The following OXR1 variants were observed in gnomAD, a reference collection of about 807,000 sequenced individuals.
The protein encoded by OXR1 is oxidation resistance 1, also known as oxidation resistance protein 1.
In OXR1, 41 loss-of-function variants were observed where a neutral mutation model predicts 104.6. The ratio of observed to expected loss-of-function variants is 0.39; its 90% CI spans 0.31 to 0.51. The LOEUF (loss-of-function observed/expected upper bound fraction) is 0.51. Ranked by LOEUF, OXR1 falls within the 20% of genes least tolerant of loss-of-function variation. The pLI, the probability that OXR1 is intolerant of heterozygous loss-of-function variation, is 0.77. For missense variants in OXR1, 955 were observed against 1,031.9 expected (o/e 0.93, Z 1.02); for synonymous variants, 348 against 348.4 (o/e 1.00, Z 0.01).
chr8:106,666,112 A>C (rs1360553936), intron 3 of OXR1, among the ~76,000 whole-genome samples: 1 of 152,224 alleles, frequency 6.6e-6, no homozygotes, highest in African/African-American at 2.4e-5. Context: ...ACTGCAAGTT[A>C]GTAAAAGCAC....
At chr8:106,280,109 C>T (rs1812217271) in intron 1 of OXR1, among the ~76,000 whole-genome samples, 1 of 152,108 alleles carries the variant, frequency 6.6e-6, no homozygotes, top group Non-Finnish European at 1.5e-5. Flanking sequence ...TGATAATGTG[C>T]CTGCTGGGCA....
At chr8:106,630,621 A>G (rs1822594940) in intron 3 of OXR1, among the ~76,000 whole-genome samples, 1 of 152,186 alleles carries the variant, frequency 6.6e-6, no homozygotes, top group Non-Finnish European at 1.5e-5. Flanking sequence ...TGGAAGGGGA[A>G]GCGGGTTGTT....
intron 2 of OXR1, among the ~76,000 whole-genome samples, chr8:106,459,310 G>A (rs1217576822): frequency 2.0e-5 from 3 of 151,944 alleles, no homozygotes; most frequent in African/African-American, 7.3e-5. Flanking sequence ...CCCCTTCCCT[G>A]CCCTCTCTTA....
At chr8:106,655,185 T>C (rs1824944278) in intron 3 of OXR1, among the ~76,000 whole-genome samples, 3 of 152,270 alleles carry the variant, frequency 2.0e-5, no homozygotes, top group East Asian at 1.9e-4. Context: ...TTTGTGGTGA[T>C]GGAAATGCTC....
intron 1 of OXR1, among the ~76,000 whole-genome samples, chr8:106,316,766 A>C: frequency 6.9e-6 from 1 of 145,636 alleles, no homozygotes; most frequent in Non-Finnish European, 1.5e-5. Flanking sequence ...CTATCTATCT[A>C]TCTATCTATT....
chr8:106,505,450 T>TA (rs1812097368), intron 2 of OXR1, among the ~76,000 whole-genome samples: 2 of 152,178 alleles, frequency 1.3e-5, no homozygotes, highest in Admixed American at 6.5e-5. Context: ...TCAGAGTGTC[T>TA]AATGAAATGA....
At chr8:106,663,098 A>C (rs1480016855) in intron 3 of OXR1, among the ~76,000 whole-genome samples, 2 of 152,202 alleles carry the variant, frequency 1.3e-5, no homozygotes, top group African/African-American at 4.8e-5. Context: ...CCTGTTCCCA[A>C]GCATTTCAGA....
intron 2 of OXR1, among the ~76,000 whole-genome samples, chr8:106,428,547 G>T (rs1206459550): frequency 6.6e-6 from 1 of 151,896 alleles, no homozygotes; most frequent in Admixed American, 6.6e-5. Context: ...CAGACATTTG[G>T]CTCTTTGTCC....
chr8:106,570,810 C>T (rs577719296), intron 3 of OXR1, among the ~76,000 whole-genome samples: 46 of 152,310 alleles, frequency 3.0e-4, no homozygotes, highest in African/African-American at 1.1e-3. Context: ...CAGTTGGGAA[C>T]TTGAATCTCA....
chr8:106,740,907 A>G (rs541433263), intron 14 of OXR1, among the ~76,000 whole-genome samples: 51 of 152,276 alleles, frequency 3.3e-4, no homozygotes, highest in African/African-American at 1.2e-3. Context: ...AGCACAAATA[A>G]GAGTAATATT....
chr8:106,361,435 G>A (rs1257400485), intron 2 of OXR1, among the ~76,000 whole-genome samples: 1 of 152,128 alleles, frequency 6.6e-6, no homozygotes, highest in Non-Finnish European at 1.5e-5. Flanking sequence ...TGTTTTACCA[G>A]TGTCACCCCC....
At chr8:106,632,075 T>C (rs1219505407) in intron 3 of OXR1, among the ~76,000 whole-genome samples, 1 of 152,152 alleles carries the variant, frequency 6.6e-6, no homozygotes, top group Non-Finnish European at 1.5e-5. Flanking sequence ...TCGCTAAACC[T>C]AAATATAGAT....
intron 3 of OXR1, among the ~76,000 whole-genome samples, chr8:106,527,742 T>C (rs1457471600): frequency 6.6e-6 from 1 of 152,248 alleles, no homozygotes; most frequent in Non-Finnish European, 1.5e-5. Flanking sequence ...ATTTACTAAA[T>C]TTAATAAATG....
chr8:106,432,627 C>T (rs1819406701), intron 2 of OXR1, among the ~76,000 whole-genome samples: 1 of 148,240 alleles, frequency 6.7e-6, no homozygotes, highest in African/African-American at 2.6e-5. Context: ...GAACTCCCTT[C>T]ATGAACCCAT....
chr8:106,683,367 T>C, intron 5 of OXR1, 61 bp downstream of exon 5: 2 of 793,002 alleles, frequency 2.5e-6, no homozygotes, highest in Non-Finnish European at 2.2e-6. Context: ...GCAGAAAGTA[T>C]TTATTGTACT....
intron 3 of OXR1, among the ~76,000 whole-genome samples, chr8:106,669,200 TAAAA>T: frequency 1.3e-5 from 2 of 151,280 alleles, no homozygotes; most frequent in East Asian, 3.9e-4. Flanking sequence ...AGAGATCAGA[TAAAA>T]AAAAAGTGGA....
chr8:106,566,042 A>ATCAT (rs1817047130), intron 3 of OXR1, among the ~76,000 whole-genome samples: 1 of 152,254 alleles, frequency 6.6e-6, no homozygotes, highest in Non-Finnish European at 1.5e-5. Flanking sequence ...CCTAGGCAAT[A>ATCAT]TCATTCAGGA....
chr8:106,587,054 T>A (rs191550174), intron 3 of OXR1, among the ~76,000 whole-genome samples: 2 of 152,288 alleles, frequency 1.3e-5, no homozygotes, highest in East Asian at 3.9e-4. Context: ...TTTATTAAGA[T>A]GAGAAAGTAA....
rs568405404 is a variant in OXR1, at chr8:106,680,790, A to G, written c.303+1498A>G. 4.6e-5 allele frequency among the ~76,000 whole-genome samples: 7 copies of G among 152,250 alleles called. No individual in the cohort carries two copies. The East Asian group carries it at 1.2e-3, about 25-fold the overall frequency. Reference sequence around the variant, plus strand: ...ATTTCCTACTATCACTTCATACTAAACAAATTATGGAAGCCTCTTACCAAT... The same window carrying G: ...ATTTCCTACTATCACTTCATACTAAGCAAATTATGGAAGCCTCTTACCAAT... On this transcript the variant is annotated intron_variant, in intron 4 of 16. Transcript: ENST00000517566.
Sources: allele counts gnomAD v4.1 joint callset (sites outside exome capture counted in the v4.1 genomes callset), GRCh38; gene constraint gnomAD v4.1.1; transcripts MANE v1.5; gene names NCBI Gene and HGNC (gene_info 2026-07-23, HGNC 2026-07-21).